GRM1: variants seen among roughly 807,000 people sequenced by gnomAD.
The protein encoded by GRM1 is metabotropic glutamate receptor 1.
Under a neutral mutation model 90.9 loss-of-function variants are expected in GRM1, and 33 were observed. The observed-to-expected ratio is 0.36, with a 90% CI of 0.28 to 0.49. The LOEUF is 0.49. GRM1 is among the 20% of genes least tolerant of loss of function. The probability of loss-of-function intolerance (pLI) is 0.99; values close to 1 mark genes in which losing one functional copy is unlikely to be tolerated. For synonymous variants in GRM1, 700 were observed against 613.2 expected (o/e 1.14, Z -2.09); for missense variants, 1,190 against 1,534.3 (o/e 0.78, Z 3.75).
At chr6:146,090,304 A>C (rs12194437) in intron 1 of GRM1, among the ~76,000 whole-genome samples, 1 of 151,884 alleles carries the variant, frequency 6.6e-6, no homozygotes, top group Non-Finnish European at 1.5e-5. Context: ...CTCTTGTTGT[A>C]TTTCAAAACA....
chr6:146,260,041 G>T (rs1207132595), intron 2 of GRM1, among the ~76,000 whole-genome samples: 1 of 150,462 alleles, frequency 6.6e-6, no homozygotes, highest in African/African-American at 2.4e-5. Flanking sequence ...TTAAGTTCTA[G>T]GATACATGTG....
chr6:146,274,737 GA>G (rs1240306362), intron 2 of GRM1, among the ~76,000 whole-genome samples: 10 of 152,168 alleles, frequency 6.6e-5, no homozygotes, highest in Non-Finnish European at 1.2e-4. Flanking sequence ...TATGAATGAA[GA>G]AAACAGAGGA....
intron 3 of GRM1, among the ~76,000 whole-genome samples, chr6:146,314,233 A>ATT (rs569665452): frequency 3.5e-5 from 5 of 140,976 alleles, no homozygotes; most frequent in Admixed American, 7.1e-5. Flanking sequence ...TGCCCGATTA[A>ATT]TTTTTTTTTT....
intron 1 of GRM1, among the ~76,000 whole-genome samples, chr6:146,056,380 T>C (rs1775480297): frequency 6.6e-6 from 1 of 151,976 alleles, no homozygotes; most frequent in Admixed American, 6.6e-5. Flanking sequence ...AAAATAGAAA[T>C]CAGAAATTGT....
intron 1 of GRM1, among the ~76,000 whole-genome samples, chr6:146,092,228 C>T (rs570695224): frequency 6.6e-6 from 1 of 152,162 alleles, no homozygotes; most frequent in Admixed American, 6.6e-5. Context: ...TCCCCTTATA[C>T]CCTTACATGA....
chr6:146,214,811 G>T lies in GRM1; in HGVS notation c.950+55214G>T, dbSNP rs570334293. On this transcript the variant is annotated intron_variant, in intron 2 of 7. Transcript: ENST00000282753. ...GTAGGACTTCACCAGAGAGGGAAATGCATGAAGTTCAGTGAGGAATGGCCA... is the reference window on the plus strand; with the variant it reads ...GTAGGACTTCACCAGAGAGGGAAATTCATGAAGTTCAGTGAGGAATGGCCA... Among the ~76,000 whole-genome samples, 3 of 152,258 alleles carry T rather than the reference G, an allele frequency of 2.0e-5. No homozygotes were observed. The East Asian group carries it at 5.8e-4, about 29-fold the overall frequency.
rs2128833921 is a variant in GRM1, at chr6:146,029,375, A to C, written c.-143A>C. On this transcript the variant is annotated 5_prime_UTR_variant, in exon 1 of 8. Transcript: ENST00000282753. ...GGAAGGAGGCGGTGGTGGAGGAGGC[A>C]AAGGCCTTGGACGACCATTGTTGGC... 1.3e-6 allele frequency: 1 copy of C among 749,750 alleles called. No homozygotes were observed. Among genetic ancestry groups the C allele is most frequent in the East Asian group, 2.5e-5 (1 of 40,744 alleles). 46.4% of individuals were successfully genotyped at this position (749,750 alleles called of 1,614,324 possible).
intron 2 of GRM1, among the ~76,000 whole-genome samples, chr6:146,190,772 G>T (rs558221611): frequency 6.6e-5 from 10 of 152,002 alleles, no homozygotes; most frequent in Admixed American, 2.6e-4. Context: ...TTCTCATTTG[G>T]ATTACTGCCA....
At chr6:146,043,796 T>TATATATATATAGATATATATATATAG in intron 1 of GRM1, among the ~76,000 whole-genome samples, 1 of 137,942 alleles carries the variant, frequency 7.2e-6, no homozygotes, top group African/African-American at 2.6e-5. Context: ...TATATATATA[T>TATATATATATAGATATATATATATAG]ATATATATAT....
intron 6 of GRM1, among the ~76,000 whole-genome samples, chr6:146,397,473 C>CAAAAAAAAAAAAAAAAAAAAAAAA (rs1195779695): frequency 1.2e-4 from 2 of 16,760 alleles, no homozygotes; most frequent in African/African-American, 2.2e-4. Context: ...GACCCCGTCT[C>CAAAAAAAAAAAAAAAAAAAAAAAA]AAAAAAAAAA....
chr6:146,140,006 C>T (rs1190964294), intron 1 of GRM1, among the ~76,000 whole-genome samples: 1 of 135,390 alleles, frequency 7.4e-6, no homozygotes, highest in Non-Finnish European at 1.6e-5. Flanking sequence ...GCTTCCCTCC[C>T]CTCCCCTCAC....
intron 7 of GRM1, among the ~76,000 whole-genome samples, chr6:146,409,230 G>C (rs1389633820): frequency 6.6e-6 from 1 of 152,134 alleles, no homozygotes; most frequent in Non-Finnish European, 1.5e-5. Context: ...TATTTCGTGA[G>C]CACGCATGGT....
At chr6:146,098,812 C>T (rs1776954820) in intron 1 of GRM1, among the ~76,000 whole-genome samples, 1 of 151,902 alleles carries the variant, frequency 6.6e-6, no homozygotes, top group African/African-American at 2.4e-5. Flanking sequence ...TTTTTCTTGG[C>T]ACTTCTCCTT....
intron 5 of GRM1, among the ~76,000 whole-genome samples, chr6:146,367,323 G>A (rs1775727914): frequency 6.6e-6 from 1 of 152,156 alleles, no homozygotes; most frequent in Non-Finnish European, 1.5e-5. Flanking sequence ...GTATGTTGAA[G>A]TCAGATAGTG....
At chr6:146,227,601 A>G (rs1780288244) in intron 2 of GRM1, among the ~76,000 whole-genome samples, 1 of 152,198 alleles carries the variant, frequency 6.6e-6, no homozygotes, top group South Asian at 2.1e-4. Context: ...TATGGTTCTG[A>G]TTCATGAATG....
chr6:146,329,764 A>G (rs1257068956), intron 3 of GRM1, among the ~76,000 whole-genome samples: 2 of 152,208 alleles, frequency 1.3e-5, no homozygotes, highest in East Asian at 1.9e-4. Context: ...TGCCTTAAAT[A>G]TGCTCAGAAA....
At chr6:146,028,749 G>A (rs947620878), upstream of GRM1, among the ~76,000 whole-genome samples, 1 of 152,106 alleles carries the variant, frequency 6.6e-6, no homozygotes, top group Non-Finnish European at 1.5e-5. Context: ...AGTAAAAGGT[G>A]CATCCTTTGT....
intron 7 of GRM1, among the ~76,000 whole-genome samples, chr6:146,405,665 T>C (rs1442410619): frequency 6.6e-6 from 1 of 152,016 alleles, no homozygotes; most frequent in Non-Finnish European, 1.5e-5. Flanking sequence ...TAGATAGCAA[T>C]GATAGAGACA....
At chr6:146,360,615 C>T (rs1220770406) in intron 5 of GRM1, among the ~76,000 whole-genome samples, 1 of 152,146 alleles carries the variant, frequency 6.6e-6, no homozygotes, top group Admixed American at 6.5e-5. Flanking sequence ...TGAGCTATCC[C>T]TGAAGTGGGA....
Sources: gnomAD v4.1 joint callset for allele counts (sites outside exome capture counted in the v4.1 genomes callset) on GRCh38, gnomAD v4.1.1 for gene constraint, MANE v1.5 for transcripts, NCBI Gene and HGNC (gene_info 2026-07-23, HGNC 2026-07-21) for gene names.